STK32B: variants seen among roughly 807,000 people sequenced by gnomAD.
STK32B encodes the protein serine/threonine-protein kinase 32B.
STK32B carries 43 observed loss-of-function variants against 52.6 expected under a neutral mutation model. That is an observed-to-expected ratio of 0.82 (90% CI 0.64 to 1.05). The LOEUF is 1.05. Among genes scored for constraint, STK32B ranks in the 50% least tolerant of loss-of-function variants. STK32B has a pLI of 0.00. For synonymous variants in STK32B, 238 were observed against 204.3 expected (o/e 1.17, Z -1.41); for missense variants, 621 against 534.6 (o/e 1.16, Z -1.59).
At chr4:5,203,537 G>A (rs1371176032) in intron 3 of STK32B, among the ~76,000 whole-genome samples, 1 of 152,048 alleles carries the variant, frequency 6.6e-6, no homozygotes, top group African/African-American at 2.4e-5. Flanking sequence ...TGCTGTGACT[G>A]TACAGGGGTT....
At chr4:5,046,863 A>C (rs1408131187), upstream of STK32B, among the ~76,000 whole-genome samples, 1 of 152,226 alleles carries the variant, frequency 6.6e-6, no homozygotes, top group Non-Finnish European at 1.5e-5. Context: ...GCTGTGGAGA[A>C]ACAGGAGCAC....
intron 11 of STK32B, among the ~76,000 whole-genome samples, chr4:5,480,635 G>A (rs1244236039): frequency 6.6e-6 from 1 of 151,976 alleles, no homozygotes; most frequent in Non-Finnish European, 1.5e-5. Flanking sequence ...ACAACGTGCA[G>A]GTTAGTTACA....
intron 3 of STK32B, among the ~76,000 whole-genome samples, chr4:5,274,955 G>C (rs1319366801): frequency 2.0e-5 from 3 of 152,158 alleles, no homozygotes; most frequent in African/African-American, 7.2e-5. Context: ...TAAGTGCCTG[G>C]GTTCATCCTA....
At position 5,386,584 on chromosome 4, in the gene STK32B, G is replaced by C. The variant is rs1410079836; in HGVS notation, c.435-11623G>C. ...GAGGGAGAAACACAATTATTTCTTA[G>C]ATCCCTTTTGGCTCTAAAATACCTT... On this transcript the variant is annotated intron_variant, in intron 4 of 11. Transcript: ENST00000282908. This position sits in a 1 kb window ranked among gnomAD's most constrained non-coding sequence, Gnocchi z 4.5. Among the ~76,000 whole-genome samples, 2 of 152,194 alleles carry C rather than the reference G, an allele frequency of 1.3e-5. No individual in the cohort carries two copies. The highest frequency in any genetic ancestry group is 4.8e-5 in the African/African-American group (2 of 41,444).
At chr4:5,323,514 C>T (rs150925959) in intron 3 of STK32B, among the ~76,000 whole-genome samples, 53 of 152,278 alleles carry the variant, frequency 3.5e-4, no homozygotes, top group African/African-American at 1.3e-3. Flanking sequence ...ATGGGAGTCC[C>T]TGGTCTCTGT....
At chr4:5,029,762 T>A in the STK32B span, among the ~76,000 whole-genome samples, 50 of 152,324 alleles carry the variant, frequency 3.3e-4, no homozygotes, top group Non-Finnish European at 5.7e-4. Context: ...TGGTATTGTT[T>A]AAGCCTTCAA....
the STK32B span, among the ~76,000 whole-genome samples, chr4:5,045,409 T>G: frequency 6.6e-6 from 1 of 152,200 alleles, no homozygotes; most frequent in Non-Finnish European, 1.5e-5. Flanking sequence ...GAGTTCCTTC[T>G]GGTGTCAGCT....
At chr4:5,355,367 C>G (rs1221459575) in intron 4 of STK32B, among the ~76,000 whole-genome samples, 1 of 152,212 alleles carries the variant, frequency 6.6e-6, no homozygotes, top group East Asian at 1.9e-4. Flanking sequence ...TGCACAGACC[C>G]TAGTAGTCTA....
chr4:5,167,507 C>T (rs1335588691), intron 2 of STK32B, among the ~76,000 whole-genome samples: 2 of 152,010 alleles, frequency 1.3e-5, no homozygotes, highest in Non-Finnish European at 2.9e-5. Context: ...CAGAATCAGG[C>T]TCCAAGGCAA....
chr4:5,087,317 A>G (rs1712786853), intron 1 of STK32B, among the ~76,000 whole-genome samples: 1 of 152,128 alleles, frequency 6.6e-6, no homozygotes, highest in Admixed American at 6.5e-5. Flanking sequence ...GAGAGAAACC[A>G]AAAAGAAATT....
At chr4:5,241,566 TTTTA>T (rs994592642) in intron 3 of STK32B, among the ~76,000 whole-genome samples, 7 of 151,848 alleles carry the variant, frequency 4.6e-5, no homozygotes, top group South Asian at 2.1e-4. Context: ...TTTTATTTTA[TTTTA>T]TTTATTTTTT....
Position 5,051,731 on chromosome 4 carries a change from C to A in STK32B, c.-133C>A. The A allele has an allele frequency of 8.1e-7, 1 of 1,230,020 alleles. No homozygotes were observed. Among genetic ancestry groups the A allele is most frequent in the Non-Finnish European group, 1.1e-6 (1 of 883,858 alleles). The allele number at this position is 1,230,020 out of a possible 1,614,324, so 76.2% of individuals were successfully genotyped here. On this transcript the variant is annotated 5_prime_UTR_variant, in exon 1 of 12. Transcript: ENST00000282908. ...TCCCCGCCCCTGCACGGTGCTCGGC[C>A]CCCTCGGGCTCCGCGCGCGGCTACA...
intron 3 of STK32B, among the ~76,000 whole-genome samples, chr4:5,181,780 C>G (rs570056711): frequency 7.9e-5 from 12 of 152,316 alleles, no homozygotes; most frequent in African/African-American, 2.9e-4. Context: ...AAGTTTTAAT[C>G]TTTTTGCTGG....
chr4:5,137,192 G>T (rs1043751989), intron 1 of STK32B, among the ~76,000 whole-genome samples: 2 of 152,156 alleles, frequency 1.3e-5, no homozygotes, highest in Non-Finnish European at 2.9e-5. Flanking sequence ...ACTCAGGAAG[G>T]CAGTAATCAT....
chr4:5,125,131 T>C (rs759749691), intron 1 of STK32B, among the ~76,000 whole-genome samples: 1 of 152,118 alleles, frequency 6.6e-6, no homozygotes, highest in East Asian at 1.9e-4. Context: ...GGGAACGGAA[T>C]CCTGCTAATT....
chr4:5,258,022 C>A (rs527299770), intron 3 of STK32B, among the ~76,000 whole-genome samples: 2 of 152,306 alleles, frequency 1.3e-5, no homozygotes, highest in South Asian at 4.1e-4. Context: ...GAGTTCAAAT[C>A]TTACTCCTTT....
At chr4:5,123,798 G>T (rs373729591) in intron 1 of STK32B, among the ~76,000 whole-genome samples, 14 of 151,916 alleles carry the variant, frequency 9.2e-5, no homozygotes, top group African/African-American at 3.1e-4. Flanking sequence ...TTAGGATTCA[G>T]CACATGAGTT....
intron 3 of STK32B, among the ~76,000 whole-genome samples, chr4:5,195,992 C>T (rs56332036): frequency 0.13 from 20,263 of 152,216 alleles, 1,476 homozygotes; most frequent in Middle Eastern, 0.2. Context: ...AAATTCTAAC[C>T]TTACACTGTT....
At chr4:5,179,279 C>T (rs1720169427) in intron 3 of STK32B, among the ~76,000 whole-genome samples, 1 of 152,134 alleles carries the variant, frequency 6.6e-6, no homozygotes, top group Non-Finnish European at 1.5e-5. Context: ...GGAAGTTGCC[C>T]CATGATTCAA....
Sources: gnomAD v4.1 joint callset for allele counts (sites outside exome capture counted in the v4.1 genomes callset) on GRCh38, gnomAD v4.1.1 for gene constraint, Gnocchi (gnomAD v3.1) non-coding constraint, MANE v1.5 for transcripts, NCBI Gene and HGNC (gene_info 2026-07-23, HGNC 2026-07-21) for gene names.